FYCO1: variants seen among roughly 807,000 people sequenced by gnomAD.
The protein encoded by FYCO1 is FYVE and coiled-coil domain-containing protein 1.
A neutral mutation model predicts 165.1 loss-of-function variants in FYCO1; 122 were observed. The observed-to-expected ratio is 0.74, with a 90% confidence interval of 0.64 to 0.86. The LOEUF (loss-of-function observed/expected upper bound fraction) is 0.86. FYCO1 is among the 40% of genes least tolerant of loss of function. FYCO1 has a pLI of 0.00. For missense variants in FYCO1, 1,702 were observed against 1,810.3 expected (o/e 0.94, Z 1.09); for synonymous variants, 648 against 742.5 (o/e 0.87, Z 2.07).
intron 14 of FYCO1, among the ~76,000 whole-genome samples, chr3:45,942,486 G>A (rs56354570): frequency 3.9e-3 from 597 of 152,306 alleles, no homozygotes; most frequent in Non-Finnish European, 6.8e-3. Flanking sequence ...AACAGCATTG[G>A]AGAGAAGCAG....
At chr3:45,977,585 A>C (rs562320774) in intron 4 of FYCO1, among the ~76,000 whole-genome samples, 1 of 151,752 alleles carries the variant, frequency 6.6e-6, no homozygotes, top group South Asian at 2.1e-4. Context: ...CTATCCAGAG[A>C]AGCAATACAA....
chr3:45,952,831 C>T (rs1705105830), intron 14 of FYCO1, among the ~76,000 whole-genome samples: 1 of 152,148 alleles, frequency 6.6e-6, no homozygotes. Context: ...CACTTTACCA[C>T]CTATCATCTA....
At chr3:45,971,677 C>G (rs1706453901) in intron 6 of FYCO1, among the ~76,000 whole-genome samples, 1 of 152,160 alleles carries the variant, frequency 6.6e-6, no homozygotes. Flanking sequence ...AATAACTGGC[C>G]TGTATTTTTC....
chr3:45,926,337 T>C (rs983723458), intron 16 of FYCO1, among the ~76,000 whole-genome samples: 16 of 152,230 alleles, frequency 1.1e-4, no homozygotes, highest in Non-Finnish European at 1.8e-4. Flanking sequence ...CAGGCTAGCA[T>C]GCTAACCAAA....
chr3:45,973,114 C>G lies in FYCO1; in HGVS notation c.513G>C (p.Leu171Phe). The G allele has an allele frequency of 6.2e-7, 1 of 1,614,242 alleles. No individual in the cohort carries two copies. Among genetic ancestry groups the G allele is most frequent in the Non-Finnish European group, 8.5e-7 (1 of 1,180,044 alleles). ...QFDLASRGFD[L>F]DAAWPTFARR... The stretch of plus-strand genomic sequence containing the variant: ...TGGCAAATGTTGGCCAGGCAGCATC[C>G]AAGTCAAAGCCCCTCGACGCCAGGT... The change falls in exon 6 of 18, where the codon TTG (leucine) becomes TTC (phenylalanine). Residue 171 changes from leucine to phenylalanine, a missense_variant. Coordinates refer to ENST00000296137, the MANE Select transcript of FYCO1 (RefSeq NM_024513.4).
At chr3:45,973,504 A>G (rs149346858) in intron 5 of FYCO1, among the ~76,000 whole-genome samples, 47 of 152,334 alleles carry the variant, frequency 3.1e-4, no homozygotes, top group African/African-American at 1.1e-3. Context: ...AACCTTAAAC[A>G]TCAATTATTT....
At chr3:45,979,349 A>C (rs1706929998) in intron 4 of FYCO1, among the ~76,000 whole-genome samples, 1 of 151,062 alleles carries the variant, frequency 6.6e-6, no homozygotes, top group Non-Finnish European at 1.5e-5. Context: ...AAAGAATTTT[A>C]TCTCAGAAAA....
At chr3:45,973,992 T>G (rs897502568) in intron 5 of FYCO1, among the ~76,000 whole-genome samples, 3 of 152,036 alleles carry the variant, frequency 2.0e-5, no homozygotes, top group Admixed American at 6.6e-5. Context: ...ACCCAGGAGG[T>G]AGAGGCCACA....
chr3:45,921,661 T>C lies in FYCO1; in HGVS notation c.*104A>G, dbSNP rs1575321526. On this transcript the variant is annotated 3_prime_UTR_variant, in exon 18 of 18. Transcript: ENST00000296137. Reference sequence around the variant, plus strand: ...TCTGAGGGGCAGCCCAGGGGCTGAGTTGATGATTTTGGAGCAGCTGACTTT... The same window carrying C: ...TCTGAGGGGCAGCCCAGGGGCTGAGCTGATGATTTTGGAGCAGCTGACTTT... The C allele has an allele frequency of 1.2e-6, 1 of 815,124 alleles. No homozygotes were observed. The highest frequency in any genetic ancestry group is 1.8e-5 in the Admixed American group (1 of 54,230). The allele number at this position is 815,124 out of a possible 1,614,324, so 50.5% of individuals were successfully genotyped here.
chr3:45,968,175 C>T lies in FYCO1; in HGVS notation c.1159G>A (p.Gly387Ser), dbSNP rs1451327094. ...QKADTASDTK[G>S]RQEPIPSDAA... Reference sequence around the variant, plus strand: ...TCACTGGGAATAGGTTCTTGCCGGCCCTTTGTGTCTGATGCCGTATCTGCC... The same window carrying T: ...TCACTGGGAATAGGTTCTTGCCGGCTCTTTGTGTCTGATGCCGTATCTGCC... Residue 387 changes from glycine (G) to serine (S), a missense_variant, in exon 8 of 18, where the codon GGC becomes AGC. Physicochemically the swap from Gly to Ser is moderately conservative, Grantham distance 56. Coordinates refer to ENST00000296137, the MANE Select transcript of FYCO1 (RefSeq NM_024513.4). 15 of 1,613,960 alleles carry T rather than the reference C, an allele frequency of 9.3e-6. No homozygotes were observed. The highest frequency in any genetic ancestry group is 1.2e-5 in the Non-Finnish European group (14 of 1,180,048).
At chr3:45,961,561 G>C (rs546867484) in intron 11 of FYCO1, among the ~76,000 whole-genome samples, 3 of 151,356 alleles carry the variant, frequency 2.0e-5, no homozygotes, top group Admixed American at 6.6e-5. Flanking sequence ...CTGGGCAACA[G>C]AGTGAGACTC....
In FYCO1 at chr3:45,964,343, G is replaced by C. The variant is rs1254249620; in HGVS notation, c.3262C>G (p.Leu1088Val). The part of the protein sequence containing the change: ...DKEGAALRED[L>V]ERTQKELEKA... The stretch of plus-strand genomic sequence containing the variant: ...AGGTGGACTGTGACTAACCTTTCTA[G>C]GTCTTCACGCAGGGCAGCCCCCTCC... Residue 1088 changes from leucine to valine, a missense_variant, in exon 10 of 18, where the codon CTA becomes GTA. Transcript: ENST00000296137. This position sits in a 1 kb window ranked among gnomAD's most constrained non-coding sequence, Gnocchi z 4.1. The C allele has an allele frequency of 6.2e-7, 1 of 1,612,940 alleles. No individual in the cohort carries two copies. The highest frequency in any genetic ancestry group is 8.5e-7 in the Non-Finnish European group (1 of 1,178,916).
intron 14 of FYCO1, chr3:45,947,611 A>C: frequency 1.0e-4 from 93 of 888,606 alleles, no homozygotes; most frequent in Non-Finnish European, 1.5e-4. Flanking sequence ...GCGCATTCTC[A>C]TGGAGAAGTT....
intron 14 of FYCO1, among the ~76,000 whole-genome samples, chr3:45,940,249 G>T (rs935050468): frequency 6.6e-6 from 1 of 152,196 alleles, no homozygotes; most frequent in Non-Finnish European, 1.5e-5. Context: ...CAATTGTTAA[G>T]CTGTCTCTCT....
intron 1 of FYCO1, among the ~76,000 whole-genome samples, chr3:45,992,915 C>CG (rs397815072): frequency 1.3e-3 from 203 of 152,126 alleles, no homozygotes; most frequent in Non-Finnish European, 2.4e-3. Flanking sequence ...GGCCTTGCCC[C>CG]CTGCATGCTA....
Position 45,936,492 on chromosome 3 carries a change from C to A in FYCO1, c.3996G>T (p.Val1332=). 6.2e-7 allele frequency: 1 copy of A among 1,614,070 alleles called. No homozygotes were observed. The highest frequency in any genetic ancestry group is 8.5e-7 in the Non-Finnish European group (1 of 1,179,918). ...GCAGGCAGATTTCCGAATCCTGCCC[C>A]ACGGGCATGTCTTCAGTGTCCTCAG... The part of the protein sequence containing the change: ...LTPEDTEDMP[V]GQDSEICLLK... The change falls in exon 15 of 18, where the codon GTG becomes GTT. Residue 1332 remains valine (V), a synonymous_variant. Transcript: ENST00000296137.
intron 16 of FYCO1, among the ~76,000 whole-genome samples, chr3:45,925,011 C>A (rs755595825): frequency 2.0e-5 from 3 of 152,068 alleles, no homozygotes; most frequent in Non-Finnish European, 4.4e-5. Flanking sequence ...CTCACTGCAA[C>A]CTGTGCCTCC....
chr3:45,964,252 T>C lies in FYCO1; in HGVS notation c.3269+84A>G, dbSNP rs1705863981. On this transcript the variant is annotated intron_variant, in intron 10 of 17. Coordinates refer to ENST00000296137, the MANE Select transcript of FYCO1 (RefSeq NM_024513.4). The surrounding 1 kb of genome is among the most constrained non-coding windows in gnomAD (Gnocchi z 4.1). Reference sequence around the variant, plus strand: ...GCAAAAGGACTTCCTAAACCTAATATGAGTGACTGACTTTCTAAATGACGA... The same window carrying C: ...GCAAAAGGACTTCCTAAACCTAATACGAGTGACTGACTTTCTAAATGACGA... 4.7e-6 allele frequency: 5 copies of C among 1,074,122 alleles called. No individual in the cohort carries two copies. The highest frequency in any genetic ancestry group is 7.3e-6 in the Non-Finnish European group (5 of 689,118). The allele number at this position is 1,074,122 out of a possible 1,614,324, so 66.5% of individuals were successfully genotyped here. A position where few individuals can be genotyped will look rare whatever the true frequency, so the allele number is the denominator to read the frequency against.
intron 14 of FYCO1, among the ~76,000 whole-genome samples, chr3:45,944,643 C>T (rs894403031): frequency 2.6e-5 from 4 of 152,122 alleles, no homozygotes; most frequent in African/African-American, 7.2e-5. Flanking sequence ...TTGCACAGCA[C>T]TGTCCAGGCC....
Sources: gnomAD v4.1 joint callset for allele counts (sites outside exome capture counted in the v4.1 genomes callset) on GRCh38, gnomAD v4.1.1 for gene constraint, Gnocchi (gnomAD v3.1) non-coding constraint, MANE v1.5 for transcripts, NCBI Gene and HGNC (gene_info 2026-07-23, HGNC 2026-07-21) for gene names.